MCOLN2: variants seen among roughly 807,000 people sequenced by gnomAD.
The protein encoded by MCOLN2 is mucolipin TRP cation channel 2, also known as mucolipin-2.
In MCOLN2, 57 loss-of-function variants were observed where a neutral mutation model predicts 67.5. That is an observed-to-expected ratio of 0.84 (90% CI 0.68 to 1.05). The LOEUF (loss-of-function observed/expected upper bound fraction) is 1.05, where lower values mean the gene tolerates loss of function less well. Ranked by LOEUF, MCOLN2 falls within the 50% of genes least tolerant of loss-of-function variation. MCOLN2 has a pLI of 0.00. For synonymous variants in MCOLN2, 246 were observed against 233.3 expected, an observed-to-expected ratio of 1.05 and a Z score of -0.50; for missense variants, 620 against 678.8, an observed-to-expected ratio of 0.91 and a Z score of 0.96.
intron 11 of MCOLN2, among the ~76,000 whole-genome samples, chr1:84,931,836 G>A (rs1183273621): frequency 6.6e-6 from 1 of 152,030 alleles, no homozygotes; most frequent in Non-Finnish European, 1.5e-5. Context: ...GACCAGCCTG[G>A]GAAAGATTAC....
intron 1 of MCOLN2, among the ~76,000 whole-genome samples, chr1:84,988,727 TGTTG>T (rs1650736620): frequency 6.6e-6 from 1 of 152,172 alleles, no homozygotes; most frequent in African/African-American, 2.4e-5. Context: ...ATCACTTCTT[TGTTG>T]AAAACCCTTT....
intron 1 of MCOLN2, among the ~76,000 whole-genome samples, chr1:84,968,536 T>C (rs115629464): frequency 5.3e-5 from 8 of 152,296 alleles, no homozygotes; most frequent in African/African-American, 1.2e-4. Flanking sequence ...TATTGGAAAT[T>C]AGACACATTA....
chr1:84,990,838 G>C (rs571366956), intron 1 of MCOLN2, among the ~76,000 whole-genome samples: 2 of 151,990 alleles, frequency 1.3e-5, no homozygotes, highest in Admixed American at 1.3e-4. Context: ...GGGGGGCTGA[G>C]GCAGGAGGAT....
chr1:84,948,029 A>G (rs770296645), intron 6 of MCOLN2, among the ~76,000 whole-genome samples: 30 of 152,220 alleles, frequency 2.0e-4, no homozygotes, highest in Non-Finnish European at 3.2e-4. Flanking sequence ...TGGGCCACAC[A>G]GTTGGCTGTC....
intron 1 of MCOLN2, among the ~76,000 whole-genome samples, chr1:84,972,422 A>T (rs113540863): frequency 3.5e-4 from 54 of 152,234 alleles, no homozygotes; most frequent in Admixed American, 1.2e-3. Flanking sequence ...AAAGAAAAAA[A>T]GCATAGTATT....
intron 1 of MCOLN2, among the ~76,000 whole-genome samples, chr1:84,980,500 A>G (rs1650202466): frequency 6.6e-6 from 1 of 152,204 alleles, no homozygotes; most frequent in Non-Finnish European, 1.5e-5. Context: ...GGAATGGAAT[A>G]GAGAACCCAG....
rs544499788 is a variant in MCOLN2 at position 84,987,507 on chromosome 1, T to TAC, written c.77+9288_77+9289insGT. On this transcript the variant is annotated intron_variant, in intron 1 of 13. Coordinates refer to ENST00000370608, the MANE Select transcript of MCOLN2 (RefSeq NM_153259.4). ...ATATATACATATGTATACATAGATGTATACATATGTATATATGTATACATC... is the reference window on the plus strand; with the variant it reads ...ATATATACATATGTATACATAGATGTACATACATATGTATATATGTATACATC... Among the ~76,000 whole-genome samples, 2 of 108,942 alleles carry TAC rather than the reference T, an allele frequency of 1.8e-5. 1 individual carries two copies. The highest frequency in any genetic ancestry group is 6.0e-4 in the South Asian group (2 of 3,356). 71.5% of individuals were successfully genotyped at this position (108,942 alleles called of 152,430 possible).
chr1:84,945,745 T>A (rs1042504887), intron 7 of MCOLN2, among the ~76,000 whole-genome samples: 8 of 152,300 alleles, frequency 5.3e-5, no homozygotes, highest in Non-Finnish European at 8.8e-5. Flanking sequence ...TTAATTTTTT[T>A]ATTTATTTTA....
At chr1:84,943,994 G>C (rs764675018) in intron 7 of MCOLN2, among the ~76,000 whole-genome samples, 11 of 152,164 alleles carry the variant, frequency 7.2e-5, no homozygotes, top group Non-Finnish European at 1.3e-4. Flanking sequence ...GGAAACAGAG[G>C]CAGCTCTTGG....
intron 1 of MCOLN2, among the ~76,000 whole-genome samples, chr1:84,982,904 G>A (rs889004850): frequency 6.6e-6 from 1 of 152,078 alleles, no homozygotes. Flanking sequence ...TTTTAGTAGT[G>A]ACAGGGTTTC....
chr1:84,964,228 A>C (rs932405495), intron 2 of MCOLN2, among the ~76,000 whole-genome samples: 11 of 152,176 alleles, frequency 7.2e-5, no homozygotes, highest in African/African-American at 2.7e-4. Context: ...ATATACTGAA[A>C]ACCTCTTTAT....
chr1:84,987,485 TATAC>T (rs1650608200), intron 1 of MCOLN2, among the ~76,000 whole-genome samples: 2 of 9,616 alleles, frequency 2.1e-4, no homozygotes, highest in Admixed American at 2.5e-3. Flanking sequence ...TATATACATA[TATAC>T]ATATGTATAC....
In MCOLN2 at chr1:84,947,147, G is replaced by A. The variant is rs374769030; in HGVS notation, c.748-15C>T. On this transcript the variant is annotated splice_polypyrimidine_tract_variant and intron_variant, in intron 6 of 13. Transcript: ENST00000370608. ...TCAAAGATAATCTGGAGACACAAAT[G>A]TATAGCGAGATTACAACACAGAAGA... 1.6e-6 allele frequency: 2 copies of A among 1,268,926 alleles called. No individual in the cohort carries two copies. The highest frequency in any genetic ancestry group is 2.3e-6 in the Non-Finnish European group (2 of 868,436). 78.6% of individuals were successfully genotyped at this position (1,268,926 alleles called of 1,614,324 possible).
chr1:84,930,328 C>T (rs778539820), intron 12 of MCOLN2, among the ~76,000 whole-genome samples: 2 of 151,988 alleles, frequency 1.3e-5, no homozygotes, highest in Non-Finnish European at 2.9e-5. Flanking sequence ...AGACCTCCCA[C>T]TCCACACACA....
intron 2 of MCOLN2, among the ~76,000 whole-genome samples, chr1:84,960,684 T>C (rs368240822): frequency 6.6e-6 from 1 of 152,332 alleles, no homozygotes; most frequent in South Asian, 2.1e-4. Context: ...ATGGTGCCTG[T>C]AGGAGAAGCC....
At chr1:84,964,777 A>G (rs973429718) in intron 2 of MCOLN2, among the ~76,000 whole-genome samples, 2 of 152,204 alleles carry the variant, frequency 1.3e-5, no homozygotes, top group East Asian at 3.9e-4. Flanking sequence ...TCGCATGTGC[A>G]GTTAACAATT....
chr1:84,993,920 G>A (rs868116528), intron 1 of MCOLN2, among the ~76,000 whole-genome samples: 11 of 152,138 alleles, frequency 7.2e-5, no homozygotes, highest in South Asian at 2.1e-4. Context: ...GTGAGCCACC[G>A]CGCCCGGCCA....
intron 1 of MCOLN2, among the ~76,000 whole-genome samples, chr1:84,982,976 C>G (rs1346043642): frequency 6.6e-6 from 1 of 152,106 alleles, no homozygotes; most frequent in Admixed American, 6.5e-5. Flanking sequence ...CCCTGGCCTC[C>G]CAAAGTGTTG....
At chr1:84,960,439 G>A (rs959764893) in intron 2 of MCOLN2, among the ~76,000 whole-genome samples, 6 of 152,178 alleles carry the variant, frequency 3.9e-5, no homozygotes, top group African/African-American at 1.4e-4. Context: ...TTAAGTGCTA[G>A]CTTTTCAAAA....
Sources: gnomAD v4.1 joint callset for allele counts (sites outside exome capture counted in the v4.1 genomes callset) on GRCh38, gnomAD v4.1.1 for gene constraint, MANE v1.5 for transcripts, NCBI Gene and HGNC (gene_info 2026-07-23, HGNC 2026-07-21) for gene names.